Variants in MAN2B2 observed in about 807,000 individuals in gnomAD.
MAN2B2 encodes the protein mannosidase alpha class 2B member 2, also known as epididymis-specific alpha-mannosidase.
Under a neutral mutation model 117.1 loss-of-function variants are expected in MAN2B2, and 106 were observed. The observed-to-expected ratio is 0.90, with a 90% CI of 0.77 to 1.06. The LOEUF is 1.06. Among genes scored for constraint, MAN2B2 ranks in the 50% least tolerant of loss-of-function variants. MAN2B2 has a pLI of 0.00. For synonymous variants in MAN2B2, 544 were observed against 595.1 expected (o/e 0.91, Z 1.25); for missense variants, 1,326 against 1,381.4 (o/e 0.96, Z 0.64).
At chr4:6,601,394 G>C (rs1727322809) in intron 10 of MAN2B2, among the ~76,000 whole-genome samples, 1 of 152,116 alleles carries the variant, frequency 6.6e-6, no homozygotes, top group African/African-American at 2.4e-5. Context: ...ATAATAATTG[G>C]GAGGCTGAGG....
chr4:6,597,205 T>G lies in MAN2B2; in HGVS notation c.1150T>G (p.Ser384Ala), dbSNP rs1577283627. ...RASALLYAGE[S>A]MFTRYLWPAP... ...CAGCGCCTTGTTGTATGCCGGGGAG[T>G]CCATGTTCACACGCTACCTGTGGCC... is the stretch of plus-strand genomic sequence containing the variant. The change falls in exon 8 of 19, where the codon TCC becomes GCC. Residue 384 changes from serine (S) to alanine (A), a missense_variant. Ser to Ala is a moderately conservative substitution (Grantham distance 99). Transcript: ENST00000285599. The G allele has an allele frequency of 6.2e-7, 1 of 1,610,850 alleles. No homozygotes were observed. Among genetic ancestry groups the G allele is most frequent in the Non-Finnish European group, 8.5e-7 (1 of 1,178,928 alleles).
chr4:6,616,969 A>C (rs1711907610), intron 16 of MAN2B2, among the ~76,000 whole-genome samples: 1 of 152,200 alleles, frequency 6.6e-6, no homozygotes, highest in Non-Finnish European at 1.5e-5. Flanking sequence ...TGAAGAAAAA[A>C]GGTTTAATGG....
chr4:6,576,368 C>T (rs530380249), intron 1 of MAN2B2, among the ~76,000 whole-genome samples: 155 of 152,310 alleles, frequency 1.0e-3, no homozygotes, highest in Non-Finnish European at 1.7e-3. Flanking sequence ...GTGTCTGTTT[C>T]CCCGTCCCTC....
intron 3 of MAN2B2, among the ~76,000 whole-genome samples, chr4:6,582,919 T>G (rs969966491): frequency 6.6e-6 from 1 of 151,806 alleles, no homozygotes; most frequent in East Asian, 1.9e-4. Flanking sequence ...AGGATACTGG[T>G]TCAGCAGCTT....
At chr4:6,578,562 T>C in intron 3 of MAN2B2, 64 bp downstream of exon 3, 1 of 1,368,442 alleles carries the variant, frequency 7.3e-7, no homozygotes. Flanking sequence ...GGACATGGTA[T>C]CAGAACCCCC....
intron 5 of MAN2B2, among the ~76,000 whole-genome samples, chr4:6,589,497 T>C (rs1726776199): frequency 6.6e-6 from 1 of 152,186 alleles, no homozygotes; most frequent in South Asian, 2.1e-4. Context: ...TGCCTTGGCC[T>C]CCCAAAGTGC....
At chr4:6,587,225 G>T (rs574291636) in intron 4 of MAN2B2, 57 bp downstream of exon 4, 71 of 1,579,702 alleles carry the variant, frequency 4.5e-5, no homozygotes, top group Admixed American at 1.7e-4. Context: ...TTCCTTCCTT[G>T]AATCAGAGCA....
chr4:6,579,039 CCA>C (rs1726193115), intron 3 of MAN2B2, among the ~76,000 whole-genome samples: 1 of 98,746 alleles, frequency 1.0e-5, no homozygotes, highest in Non-Finnish European at 2.0e-5. Context: ...ACCACTACCA[CCA>C]TCACCACCAT....
At chr4:6,608,610 A>T (rs1727637262) in intron 11 of MAN2B2, among the ~76,000 whole-genome samples, 1 of 152,162 alleles carries the variant, frequency 6.6e-6, no homozygotes, top group African/African-American at 2.4e-5. Flanking sequence ...TGGGTACATG[A>T]TGTCACAACT....
rs548458323 is a variant in MAN2B2 at position 6,589,029 on chromosome 4, TCTC to T, written c.565-12_565-10del. 447 of 1,605,070 alleles carry T rather than the reference TCTC, an allele frequency of 2.8e-4. 1 individual carries two copies. The African/African-American group carries it at 5.4e-3, about 19-fold the overall frequency. ...CATGTGGCCCCTCCAGCCTCATTCT[TCTC>T]CTCGGTTTGCAGGGGCTGCAGTTCG... On this transcript the variant is annotated splice_polypyrimidine_tract_variant and intron_variant, in intron 4 of 18. Coordinates refer to ENST00000285599, the MANE Select transcript of MAN2B2 (RefSeq NM_015274.3).
intron 4 of MAN2B2, 78 bp downstream of exon 4, chr4:6,587,246 CT>C (rs1225696975): frequency 3.3e-6 from 5 of 1,525,794 alleles, no homozygotes; most frequent in Non-Finnish European, 4.4e-6. Flanking sequence ...CGGTAGAAAG[CT>C]GCTGCTCTAT....
rs778863888 is a variant in MAN2B2 at position 6,614,282 on chromosome 4, C to T, written c.2628C>T (p.His876=). 5 of 1,614,132 alleles carry T rather than the reference C, an allele frequency of 3.1e-6. No homozygotes were observed. The highest frequency in any genetic ancestry group is 4.2e-6 in the Non-Finnish European group (5 of 1,180,008). Residue 876 remains histidine (H), a synonymous_variant, in exon 16 of 19, where the codon CAC becomes CAT. Coordinates refer to ENST00000285599, the MANE Select transcript of MAN2B2 (RefSeq NM_015274.3). Reference sequence around the variant, plus strand: ...CCGTGACGCTGCCCCCGAATCTTCACCTGCAGATCCTGAGCATCCCTGGCT... The same window carrying T: ...CCGTGACGCTGCCCCCGAATCTTCATCTGCAGATCCTGAGCATCCCTGGCT... ...QEAVTLPPNL[H]LQILSIPGWR...
intron 10 of MAN2B2, among the ~76,000 whole-genome samples, chr4:6,604,205 G>T (rs1385668719): frequency 6.6e-6 from 1 of 152,176 alleles, no homozygotes; most frequent in Admixed American, 6.5e-5. Context: ...GTCACCGCAG[G>T]GAGGAGGCTG....
chr4:6,587,381 C>T (rs1726677867), intron 4 of MAN2B2, among the ~76,000 whole-genome samples: 1 of 152,236 alleles, frequency 6.6e-6, no homozygotes, highest in Admixed American at 6.5e-5. Flanking sequence ...CACAGAGCTG[C>T]AGGCACAGCT....
chr4:6,602,571 G>A (rs1239571338), intron 10 of MAN2B2, among the ~76,000 whole-genome samples: 1 of 152,156 alleles, frequency 6.6e-6, no homozygotes, highest in African/African-American at 2.4e-5. Context: ...TTCAGTCCGT[G>A]GCATCACTCA....
chr4:6,603,746 G>A (rs1032098290), intron 10 of MAN2B2, among the ~76,000 whole-genome samples: 7 of 152,176 alleles, frequency 4.6e-5, no homozygotes, highest in Admixed American at 1.3e-4. Flanking sequence ...TATGATAGGC[G>A]ATGACCACCG....
chr4:6,577,594 C>T (rs568636032), intron 2 of MAN2B2, among the ~76,000 whole-genome samples: 35 of 152,340 alleles, frequency 2.3e-4, no homozygotes, highest in Non-Finnish European at 3.1e-4. Flanking sequence ...AGAGAGGGCA[C>T]GCCACTGGCC....
intron 15 of MAN2B2, among the ~76,000 whole-genome samples, chr4:6,613,099 A>G (rs1343900815): frequency 1.3e-5 from 2 of 152,234 alleles, no homozygotes; most frequent in South Asian, 2.1e-4. Context: ...GTCCTAGGGA[A>G]AGATTCTGAT....
chr4:6,617,446 T>C lies in MAN2B2; in HGVS notation c.2768T>C (p.Val923Ala), dbSNP rs897382738. 6.2e-7 allele frequency: 1 copy of C among 1,614,106 alleles called. No individual in the cohort carries two copies. Among genetic ancestry groups the C allele is most frequent in the Non-Finnish European group, 8.5e-7 (1 of 1,180,016 alleles). The change falls in exon 17 of 19, where the codon GTG becomes GCG. Residue 923 changes from valine to alanine, a missense_variant. Transcript: ENST00000285599. ...CTGCGGCTCTACCACCTATATGAAGTGGGCGAGGACCCAGTCCTGTCTCAG... is the reference window on the plus strand; with the variant it reads ...CTGCGGCTCTACCACCTATATGAAGCGGGCGAGGACCCAGTCCTGTCTCAG... Reference protein sequence around the residue: ...VLLRLYHLYEVGEDPVLSQPV... With the variant: ...VLLRLYHLYEAGEDPVLSQPV...
Sources: gnomAD v4.1 joint callset for allele counts (sites outside exome capture counted in the v4.1 genomes callset) on GRCh38, gnomAD v4.1.1 for gene constraint, MANE v1.5 for transcripts, NCBI Gene and HGNC (gene_info 2026-07-23, HGNC 2026-07-21) for gene names.